FCHO2: variants seen among roughly 807,000 people sequenced by gnomAD.
FCHO2 encodes the protein FCH and mu domain containing endocytic adaptor 2.
A neutral mutation model predicts 114.1 loss-of-function variants in FCHO2; 43 were observed. That is an observed-to-expected ratio of 0.38 (90% confidence interval 0.30 to 0.49). The LOEUF (loss-of-function observed/expected upper bound fraction) is 0.49. Ranked by LOEUF, FCHO2 falls within the 20% of genes least tolerant of loss-of-function variation. The probability of loss-of-function intolerance (pLI) is 0.97; values close to 1 mark genes in which losing one functional copy is unlikely to be tolerated. For missense variants in FCHO2, 807 were observed against 950.4 expected, an observed-to-expected ratio of 0.85 and a Z score of 1.98; for synonymous variants, 293 against 315.2, an observed-to-expected ratio of 0.93 and a Z score of 0.75.
Position 73,077,425 on chromosome 5 carries a change from G to A in FCHO2, c.1779G>A (p.Val593=). The A allele has an allele frequency of 1.3e-6, 2 of 1,599,806 alleles. No individual in the cohort carries two copies. The highest frequency in any genetic ancestry group is 1.7e-6 in the Non-Finnish European group (2 of 1,172,688). ...KVFTSNPTPA[V]LCFRVKNISR... ...TCACCAGCAATCCAACTCCAGCTGT[G>A]TTGTGCTTCAGGGTGAAAAATATCA... The change falls in exon 21 of 26, where the codon GTG becomes GTA. Residue 593 remains valine (V), a synonymous_variant. Coordinates refer to ENST00000430046, the MANE Select transcript of FCHO2 (RefSeq NM_138782.3).
chr5:73,044,587 T>C (rs1756967632), intron 11 of FCHO2, among the ~76,000 whole-genome samples: 1 of 152,242 alleles, frequency 6.6e-6, no homozygotes, highest in Non-Finnish European at 1.5e-5. Flanking sequence ...TATTCCTTTC[T>C]TTAAAGGTCT....
intron 17 of FCHO2, among the ~76,000 whole-genome samples, chr5:73,058,878 A>G (rs1340513571): frequency 6.6e-6 from 1 of 152,164 alleles, no homozygotes; most frequent in African/African-American, 2.4e-5. Flanking sequence ...CTAATTTTCT[A>G]GTATTATGAA....
chr5:72,972,022 A>G (rs1157619000), intron 2 of FCHO2, among the ~76,000 whole-genome samples: 335 of 151,666 alleles, frequency 2.2e-3, no homozygotes, highest in African/African-American at 7.7e-3. Flanking sequence ...GATATGTGGC[A>G]TTATTTCTGA....
chr5:73,020,742 C>A (rs1360821835), intron 8 of FCHO2: 3 of 1,172,426 alleles, frequency 2.6e-6, no homozygotes, highest in Admixed American at 3.4e-5. Flanking sequence ...CATCCACCTT[C>A]TCCAAAACCT....
chr5:72,996,053 G>A (rs1561432790), intron 5 of FCHO2, among the ~76,000 whole-genome samples: 1 of 152,002 alleles, frequency 6.6e-6, no homozygotes, highest in Non-Finnish European at 1.5e-5. Flanking sequence ...GACTAGCCTG[G>A]CCAACATGGC....
intron 2 of FCHO2, among the ~76,000 whole-genome samples, chr5:72,974,719 G>T (rs62360747): frequency 0.13 from 19,980 of 151,980 alleles, 1,544 homozygotes; most frequent in East Asian, 0.35. Context: ...AGTTAATGTT[G>T]TTATGTGTGA....
intron 10 of FCHO2, among the ~76,000 whole-genome samples, chr5:73,039,084 A>G (rs1453169722): frequency 6.6e-6 from 1 of 152,224 alleles, no homozygotes; most frequent in African/African-American, 2.4e-5. Context: ...TTTTTAACCA[A>G]TGGCAATAGT....
intron 6 of FCHO2, among the ~76,000 whole-genome samples, chr5:73,013,626 G>C (rs959998968): frequency 7.9e-5 from 12 of 152,276 alleles, no homozygotes; most frequent in Non-Finnish European, 1.3e-4. Flanking sequence ...AAAATGCCGG[G>C]TTAAGCAAAG....
chr5:72,978,017 T>C (rs1752981808), intron 2 of FCHO2, among the ~76,000 whole-genome samples: 1 of 152,258 alleles, frequency 6.6e-6, no homozygotes, highest in Non-Finnish European at 1.5e-5. Context: ...TTTTGGTTAC[T>C]GAAGCATTGT....
intron 2 of FCHO2, among the ~76,000 whole-genome samples, chr5:72,974,946 T>C (rs1649550145): frequency 6.6e-6 from 1 of 152,196 alleles, no homozygotes; most frequent in Non-Finnish European, 1.5e-5. Flanking sequence ...AGTATTTTAT[T>C]TCTCCTTCAC....
chr5:73,015,869 A>G (rs550031554), intron 7 of FCHO2, 145 bp downstream of exon 7: 37 of 428,644 alleles, frequency 8.6e-5, no homozygotes, highest in African/African-American at 7.0e-4. Flanking sequence ...TAATATATTT[A>G]CATGTAGTAA....
At chr5:73,054,426 AAAC>A in intron 14 of FCHO2, 96 bp from the exon 15 acceptor site, 1 of 1,093,966 alleles carries the variant, frequency 9.1e-7, no homozygotes, top group Non-Finnish European at 1.3e-6. Flanking sequence ...GATATACTAA[AAAC>A]AACATAAAAT....
At chr5:72,972,710 T>C (rs1268003733) in intron 2 of FCHO2, among the ~76,000 whole-genome samples, 1 of 152,170 alleles carries the variant, frequency 6.6e-6, no homozygotes, top group Non-Finnish European at 1.5e-5. Context: ...TCCTGCCTAA[T>C]TGCCCTGGCT....
chr5:73,087,848 A>G (rs890102261), intron 25 of FCHO2, 95 bp downstream of exon 25: 5 of 1,496,878 alleles, frequency 3.3e-6, no homozygotes, highest in Non-Finnish European at 4.5e-6. Context: ...TAATCTAAAG[A>G]CATGGAAATT....
chr5:73,088,123 T>C lies in FCHO2; in HGVS notation c.*33T>C, dbSNP rs1743372112. On this transcript the variant is annotated 3_prime_UTR_variant, in exon 26 of 26. Coordinates refer to ENST00000430046, the MANE Select transcript of FCHO2 (RefSeq NM_138782.3). ...GGGAAAGTGATGTGGCTTCAGGGAT[T>C]ACAAACCTGCCATTCTGCATTATCT... The C allele has an allele frequency of 6.2e-7, 1 of 1,611,712 alleles. No individual in the cohort carries two copies. The highest frequency in any genetic ancestry group is 8.5e-7 in the Non-Finnish European group (1 of 1,178,924).
rs202006082 is a variant in FCHO2 at position 73,061,007 on chromosome 5, C to CAAAA, written c.1345+2494_1345+2497dup. On this transcript the variant is annotated intron_variant, in intron 17 of 25. Coordinates refer to ENST00000430046, the MANE Select transcript of FCHO2 (RefSeq NM_138782.3). The stretch of plus-strand genomic sequence containing the variant: ...TGAATTAATTGAACTCTTGTGCTCA[C>CAAAA]AAAAAAAAAAAAAACCGCTTAAAAT... Among the ~76,000 whole-genome samples the CAAAA allele has an allele frequency of 2.8e-3, 362 of 129,456 alleles. 3 individuals carry two copies. The highest frequency in any genetic ancestry group is 4.4e-3 in the Non-Finnish European group (265 of 60,312). 84.9% of individuals were successfully genotyped at this position (129,456 alleles called of 152,430 possible).
chr5:73,047,978 G>T (rs535102689), intron 11 of FCHO2, among the ~76,000 whole-genome samples: 10 of 152,058 alleles, frequency 6.6e-5, no homozygotes, highest in African/African-American at 2.2e-4. Flanking sequence ...TGGGCTGCAG[G>T]TGCATGCCTC....
At chr5:72,965,034 A>C (rs1341983763) in intron 1 of FCHO2, among the ~76,000 whole-genome samples, 1 of 152,002 alleles carries the variant, frequency 6.6e-6, no homozygotes, top group Non-Finnish European at 1.5e-5. Flanking sequence ...TAAAGGGTTC[A>C]TGACCAGTAT....
chr5:73,023,342 A>G (rs1158327573), intron 8 of FCHO2, among the ~76,000 whole-genome samples: 1 of 152,222 alleles, frequency 6.6e-6, no homozygotes, highest in Non-Finnish European at 1.5e-5. Context: ...ACTAGAAGAT[A>G]AAAGTTACAT....
Sources: gnomAD v4.1 joint callset for allele counts (sites outside exome capture counted in the v4.1 genomes callset) on GRCh38, gnomAD v4.1.1 for gene constraint, MANE v1.5 for transcripts, NCBI Gene and HGNC (gene_info 2026-07-23, HGNC 2026-07-21) for gene names.